CASP6: variants seen among roughly 807,000 people sequenced by gnomAD.
CASP6 encodes the protein caspase-6.
Under a neutral mutation model 31.8 loss-of-function variants are expected in CASP6, and 20 were observed. The observed-to-expected ratio is 0.63, with a 90% CI of 0.44 to 0.91. CASP6 has a LOEUF of 0.91. Among genes scored for constraint, CASP6 ranks in the 40% least tolerant of loss-of-function variants. The pLI, the probability that CASP6 is intolerant of heterozygous loss-of-function variation, is 0.00. For missense variants in CASP6, 328 were observed against 361.1 expected, an observed-to-expected ratio of 0.91 and a Z score of 0.74; for synonymous variants, 130 against 127.8, an observed-to-expected ratio of 1.02 and a Z score of -0.12.
chr4:109,703,584 C>T (rs1730505777), upstream of CASP6: 2 of 687,330 alleles, frequency 2.9e-6, no homozygotes, highest in East Asian at 3.0e-5. Flanking sequence ...AGTTAAAGCT[C>T]CTCCCAGTCG....
chr4:109,689,877 A>C (rs1161390236), intron 6 of CASP6, among the ~76,000 whole-genome samples: 1 of 152,184 alleles, frequency 6.6e-6, no homozygotes, highest in Non-Finnish European at 1.5e-5. Context: ...CTACAAAAGC[A>C]AAGAACCATT....
chr4:109,668,052 C>G, the CASP6 span, among the ~76,000 whole-genome samples: 1 of 151,780 alleles, frequency 6.6e-6, no homozygotes, highest in Non-Finnish European at 1.5e-5. Flanking sequence ...AGTTTTATAG[C>G]CTTCATTGTG....
chr4:109,679,127 C>T, the CASP6 span, among the ~76,000 whole-genome samples: 21 of 140,880 alleles, frequency 1.5e-4, no homozygotes, highest in South Asian at 2.4e-4. Flanking sequence ...TCCTCCCAGA[C>T]GGGATGGCCG....
At chr4:109,691,183 T>C (rs1730044354) in intron 5 of CASP6, among the ~76,000 whole-genome samples, 174 bp from the exon 6 acceptor site, 1 of 152,244 alleles carries the variant, frequency 6.6e-6, no homozygotes, top group South Asian at 2.1e-4. Context: ...CAAAGTTGTT[T>C]CCTTACTTAG....
At chr4:109,707,332 T>C (rs1436240534), upstream of CASP6, among the ~76,000 whole-genome samples, 1 of 152,160 alleles carries the variant, frequency 6.6e-6, no homozygotes, top group African/African-American at 2.4e-5. Context: ...TAACTTATTT[T>C]AAATGTTCTT....
downstream of CASP6, chr4:109,688,149 T>C (rs1277760042): frequency 1.3e-5 from 2 of 152,286 alleles, no homozygotes; most frequent in African/African-American, 2.4e-5. Flanking sequence ...AAACAGTGTA[T>C]ATAAACGATT....
chr4:109,676,238 T>C, the CASP6 span, among the ~76,000 whole-genome samples: 1 of 152,158 alleles, frequency 6.6e-6, no homozygotes, highest in African/African-American at 2.4e-5. Flanking sequence ...TCAGAATGTT[T>C]GTAGAAATAT....
rs1352484914 is a variant in CASP6, at chr4:109,689,514, C to T, written c.698G>A (p.Cys233Tyr). 1 of 1,614,176 alleles carries T rather than the reference C, an allele frequency of 6.2e-7. No individual in the cohort carries two copies. Among genetic ancestry groups the T allele is most frequent in the Admixed American group, 1.7e-5 (1 of 60,014 alleles). Residue 233 changes from cysteine (C) to tyrosine (Y), a missense_variant, in exon 7 of 7, where the codon TGT becomes TAT. Transcript: ENST00000265164. The part of the protein sequence containing the change: ...VNGSWYIQDL[C>Y]EMLGKYGSSL... ...GGAGCCATATTTTCCCAACATCTCA[C>T]ACAAATCTTGAATGTACCATGAGCC...
upstream of CASP6, among the ~76,000 whole-genome samples, chr4:109,706,090 C>T (rs1730604295): frequency 9.4e-6 from 1 of 105,978 alleles, no homozygotes; most frequent in Non-Finnish European, 1.8e-5. Flanking sequence ...AATTGGCACA[C>T]TGGGTGGTAT....
At chr4:109,674,475 A>C in the CASP6 span, among the ~76,000 whole-genome samples, 3 of 152,192 alleles carry the variant, frequency 2.0e-5, no homozygotes, top group African/African-American at 7.2e-5. Flanking sequence ...AATCTCACAT[A>C]TTTTGGATGT....
In CASP6 at chr4:109,698,324, G is replaced by C. The variant is rs775908788; in HGVS notation, c.59C>G (p.Thr20Arg). ...GHPAGGEENM[T>R]ETDAFYKREM... The stretch of plus-strand genomic sequence containing the variant: ...CCTTTTATAGAAGGCATCTGTTTCT[G>C]TCATGTTTTCTTCCCCACCTATTAA... The change falls in exon 2 of 7, where the codon ACA (threonine) becomes AGA (arginine). Residue 20 changes from threonine to arginine, a missense_variant. Thr to Arg is a moderately conservative substitution (Grantham distance 71). Transcript: ENST00000265164. The C allele has an allele frequency of 6.2e-7, 1 of 1,611,100 alleles. No homozygotes were observed. The highest frequency in any genetic ancestry group is 2.2e-5 in the East Asian group (1 of 44,778).
chr4:109,694,479 A>G, intron 5 of CASP6, 46 bp downstream of exon 5: 3 of 1,457,934 alleles, frequency 2.1e-6, no homozygotes, highest in Non-Finnish European at 2.7e-6. Context: ...TCACATGTTC[A>G]GAATGACAGA....
At chr4:109,683,307 G>A in the CASP6 span, 1 of 152,240 alleles carries the variant, frequency 6.6e-6, no homozygotes, top group Non-Finnish European at 1.5e-5. Flanking sequence ...AAATGGGAAG[G>A]TATATGTGTA....
chr4:109,684,248 G>A (rs938581022), downstream of CASP6, among the ~76,000 whole-genome samples: 9 of 151,932 alleles, frequency 5.9e-5, no homozygotes, highest in African/African-American at 2.2e-4. Flanking sequence ...ATTTTTAGTA[G>A]AGACGGGGTT....
At chr4:109,708,676 A>T in the CASP6 span, among the ~76,000 whole-genome samples, 1 of 152,186 alleles carries the variant, frequency 6.6e-6, no homozygotes, top group Non-Finnish European at 1.5e-5. Flanking sequence ...GAGCAGATGG[A>T]AGGAATTTGT....
chr4:109,672,104 G>A, the CASP6 span, among the ~76,000 whole-genome samples: 2 of 151,942 alleles, frequency 1.3e-5, no homozygotes, highest in African/African-American at 4.8e-5. Flanking sequence ...AATTGGGCCT[G>A]TGTCTCTAAA....
chr4:109,689,012 G>A lies in CASP6; in HGVS notation c.*318C>T, dbSNP rs1002656187. ...TTTTTTTTGAGACGGAGTTTCACTC[G>A]TTGCCCAGGCTGGAGTGCAATGGCG... On this transcript the variant is annotated 3_prime_UTR_variant, in exon 7 of 7. Coordinates refer to ENST00000265164, the MANE Select transcript of CASP6 (RefSeq NM_001226.4). 5.1e-5 allele frequency: 10 copies of A among 194,772 alleles called. No individual in the cohort carries two copies. Among genetic ancestry groups the A allele is most frequent in the Middle Eastern group, 2.4e-3 (1 of 420 alleles). 12.1% of individuals were successfully genotyped at this position (194,772 alleles called of 1,614,324 possible).
At chr4:109,679,136 C>G in the CASP6 span, among the ~76,000 whole-genome samples, 1 of 149,578 alleles carries the variant, frequency 6.7e-6, no homozygotes, top group Admixed American at 6.6e-5. Flanking sequence ...ACGGGATGGC[C>G]GGGCAGAGGT....
At chr4:109,673,849 G>A in the CASP6 span, 1,260 of 758,184 alleles carry the variant, frequency 1.7e-3, 5 homozygotes, top group African/African-American at 0.018. Flanking sequence ...CACTATGTCA[G>A]CAGACACAGG....
Sources: gnomAD v4.1 joint callset for allele counts (sites outside exome capture counted in the v4.1 genomes callset) on GRCh38, gnomAD v4.1.1 for gene constraint, MANE v1.5 for transcripts, NCBI Gene and HGNC (gene_info 2026-07-23, HGNC 2026-07-21) for gene names.